Variants in ASTN1 observed in about 807,000 individuals in gnomAD.
ASTN1 encodes astrotactin 1, also known as astrotactin-1.
A neutral mutation model predicts 140.7 loss-of-function variants in ASTN1; 41 were observed. That is an observed-to-expected ratio of 0.29 (90% CI 0.23 to 0.38). The LOEUF (loss-of-function observed/expected upper bound fraction) is 0.38. ASTN1 is among the 10% of genes least tolerant of loss of function. ASTN1 has a pLI of 1.00. For synonymous variants in ASTN1, 640 were observed against 652.2 expected, an observed-to-expected ratio of 0.98 and a Z score of 0.29; for missense variants, 1,479 against 1,678.8, an observed-to-expected ratio of 0.88 and a Z score of 2.08.
chr1:177,097,682 G>T (rs1680090740), intron 1 of ASTN1, among the ~76,000 whole-genome samples: 1 of 152,104 alleles, frequency 6.6e-6, no homozygotes, highest in Non-Finnish European at 1.5e-5. Context: ...ATGCTAATGA[G>T]ATAAATGGGG....
chr1:176,943,196 C>A (rs1254826564), intron 14 of ASTN1, among the ~76,000 whole-genome samples: 5 of 152,030 alleles, frequency 3.3e-5, no homozygotes, highest in Non-Finnish European at 7.4e-5. Flanking sequence ...CTTGAAGTCT[C>A]TTCCTTGGTC....
At chr1:177,085,583 C>A (rs1002236374) in intron 1 of ASTN1, among the ~76,000 whole-genome samples, 16 of 152,132 alleles carry the variant, frequency 1.1e-4, no homozygotes, top group African/African-American at 3.9e-4. Context: ...TGACCCTGGG[C>A]AGGTTCCTTG....
At chr1:177,089,390 A>C (rs1369036077) in intron 1 of ASTN1, among the ~76,000 whole-genome samples, 1 of 152,178 alleles carries the variant, frequency 6.6e-6, no homozygotes, top group Non-Finnish European at 1.5e-5. Flanking sequence ...TTAATGTATT[A>C]ATCTCTGACT....
intron 8 of ASTN1, among the ~76,000 whole-genome samples, chr1:176,969,454 G>A (rs1025105547): frequency 3.3e-5 from 5 of 152,152 alleles, no homozygotes; most frequent in African/African-American, 9.7e-5. Context: ...TCTCTCGGCC[G>A]GGTAAGCAGA....
chr1:177,158,249 T>C (rs1369835698), intron 1 of ASTN1, among the ~76,000 whole-genome samples: 1 of 152,354 alleles, frequency 6.6e-6, no homozygotes, highest in Admixed American at 6.5e-5. Context: ...TTGGGTTTTT[T>C]ATTAAAATTT....
intron 1 of ASTN1, among the ~76,000 whole-genome samples, chr1:177,156,525 A>G (rs1258085460): frequency 6.6e-6 from 1 of 152,210 alleles, no homozygotes; most frequent in East Asian, 1.9e-4. Flanking sequence ...GTAGTACTGA[A>G]TTAAAACGCA....
intron 8 of ASTN1, among the ~76,000 whole-genome samples, chr1:176,986,477 G>T (rs949245484): frequency 6.6e-6 from 1 of 152,184 alleles, no homozygotes; most frequent in Non-Finnish European, 1.5e-5. Flanking sequence ...AAAAGATTAT[G>T]TGGGTGTTTG....
chr1:177,129,831 G>A (rs1483559948), intron 1 of ASTN1, among the ~76,000 whole-genome samples: 1 of 152,136 alleles, frequency 6.6e-6, no homozygotes, highest in Admixed American at 6.5e-5. Flanking sequence ...GCTGGACATG[G>A]TGGCACGCAC....
intron 16 of ASTN1, among the ~76,000 whole-genome samples, chr1:176,925,962 C>T (rs988621183): frequency 1.1e-4 from 17 of 152,078 alleles, no homozygotes; most frequent in East Asian, 7.8e-4. Flanking sequence ...CCCGGCACCA[C>T]GCCCAGCTAA....
chr1:176,942,865 T>C (rs975885435), intron 14 of ASTN1, among the ~76,000 whole-genome samples: 1 of 110,730 alleles, frequency 9.0e-6, no homozygotes, highest in Non-Finnish European at 1.9e-5. Flanking sequence ...TATATATATA[T>C]AGATTGATGT....
intron 1 of ASTN1, among the ~76,000 whole-genome samples, chr1:177,080,700 A>C (rs1194139602): frequency 3.3e-5 from 5 of 152,162 alleles, no homozygotes; most frequent in African/African-American, 1.2e-4. Flanking sequence ...TTGAGATTTT[A>C]TGTCCCTAAT....
intron 12 of ASTN1, among the ~76,000 whole-genome samples, chr1:176,948,843 A>T (rs1309692679): frequency 6.6e-6 from 1 of 152,224 alleles, no homozygotes; most frequent in Non-Finnish European, 1.5e-5. Flanking sequence ...TTGTCACAAA[A>T]CACTTAATTA....
At chr1:176,972,871 C>G (rs1343648392) in intron 8 of ASTN1, among the ~76,000 whole-genome samples, 1 of 152,022 alleles carries the variant, frequency 6.6e-6, no homozygotes, top group Non-Finnish European at 1.5e-5. Context: ...GGCTCTATCA[C>G]TTACTATCTC....
At chr1:177,046,582 G>A (rs1368389395) in intron 2 of ASTN1, among the ~76,000 whole-genome samples, 8 of 152,090 alleles carry the variant, frequency 5.3e-5, no homozygotes, top group Admixed American at 1.3e-4. Context: ...TTTATACCAT[G>A]CCTCGTGACA....
At chr1:176,986,565 T>C (rs1673916134) in intron 8 of ASTN1, among the ~76,000 whole-genome samples, 1 of 152,184 alleles carries the variant, frequency 6.6e-6, no homozygotes, top group South Asian at 2.1e-4. Flanking sequence ...ACTACTCTCA[T>C]ATTCATTAAG....
intron 2 of ASTN1, among the ~76,000 whole-genome samples, chr1:177,049,802 T>C (rs1291570827): frequency 2.0e-5 from 3 of 152,098 alleles, no homozygotes; most frequent in Non-Finnish European, 4.4e-5. Flanking sequence ...TGTTGCCTTA[T>C]CCGAACCCAA....
At chr1:177,042,700 G>C (rs1223467587) in intron 2 of ASTN1, among the ~76,000 whole-genome samples, 1 of 152,156 alleles carries the variant, frequency 6.6e-6, no homozygotes, top group Non-Finnish European at 1.5e-5. Flanking sequence ...TTTTTAGAAA[G>C]TAACTTATCC....
chr1:176,993,114 G>A (rs535393577), intron 8 of ASTN1, among the ~76,000 whole-genome samples: 5 of 152,290 alleles, frequency 3.3e-5, no homozygotes, highest in Non-Finnish European at 5.9e-5. Context: ...CCCTGATCTC[G>A]ACTTCCTGCC....
chr1:176,864,234 C>A lies in ASTN1; in HGVS notation c.*50G>T. 1 of 1,594,700 alleles carries A rather than the reference C, an allele frequency of 6.3e-7. No individual in the cohort carries two copies. The highest frequency in any genetic ancestry group is 1.1e-5 in the South Asian group (1 of 89,048). Reference sequence around the variant, plus strand: ...AATCCACAGACCAACCCAGATGGATCCCTCCTCTTTCCTACTTCATTCTGG... The same window carrying A: ...AATCCACAGACCAACCCAGATGGATACCTCCTCTTTCCTACTTCATTCTGG... On this transcript the variant is annotated 3_prime_UTR_variant, in exon 23 of 23. Coordinates refer to ENST00000361833, the MANE Select transcript of ASTN1 (RefSeq NM_004319.3).
Sources: gnomAD v4.1 joint callset for allele counts (sites outside exome capture counted in the v4.1 genomes callset) on GRCh38, gnomAD v4.1.1 for gene constraint, MANE v1.5 for transcripts, NCBI Gene and HGNC (gene_info 2026-07-23, HGNC 2026-07-21) for gene names.